ANKRD36: variants seen among roughly 807,000 people sequenced by gnomAD.
The protein encoded by ANKRD36 is ankyrin repeat domain-containing protein 36A.
In ANKRD36, 179 loss-of-function variants were observed where a neutral mutation model predicts 278.1. That is an observed-to-expected ratio of 0.64 (90% CI 0.57 to 0.73). The LOEUF is 0.73. Among genes scored for constraint, ANKRD36 ranks in the 30% least tolerant of loss-of-function variants. The pLI, the probability that ANKRD36 is intolerant of heterozygous loss-of-function variation, is 0.00. For missense variants in ANKRD36, 1,159 were observed against 1,956.7 expected (o/e 0.59, Z 7.69); for synonymous variants, 320 against 641.1 (o/e 0.50, Z 7.57).
rs2048122285 is a variant in ANKRD36 at position 97,158,621 on chromosome 2, A to G, written c.1355A>G (p.Asn452Ser). The change falls in exon 17 of 76, where the codon AAT becomes AGT. Residue 452 changes from asparagine to serine, a missense_variant. Transcript: ENST00000420699. ...GCATGTGGCATTGACAAAACAGAAA[A>G]TGGAAACATGTTTGAAGACCAAAAT... is the stretch of plus-strand genomic sequence containing the variant. ...DAACGIDKTE[N>S]GNMFEDQNVD... 2.6e-6 allele frequency: 4 copies of G among 1,527,942 alleles called. No homozygotes were observed. Among genetic ancestry groups the G allele is most frequent in the Middle Eastern group, 1.7e-4 (1 of 5,952 alleles). 94.6% of individuals were successfully genotyped at this position (1,527,942 alleles called of 1,614,324 possible).
chr2:97,221,654 G>T (rs1319926247), intron 66 of ANKRD36, among the ~76,000 whole-genome samples: 4 of 150,476 alleles, frequency 2.7e-5, no homozygotes, highest in Non-Finnish European at 5.9e-5. Flanking sequence ...ATTTGTTTGG[G>T]TTCATTGTAG....
intron 6 of ANKRD36, among the ~76,000 whole-genome samples, chr2:97,133,811 A>C (rs1004521247): frequency 1.3e-5 from 2 of 152,022 alleles, no homozygotes; most frequent in African/African-American, 4.8e-5. Flanking sequence ...AAAGAACCTA[A>C]AGAGATTTTT....
Position 97,124,513 on chromosome 2 carries a change from T to G in ANKRD36, c.647T>G (p.Leu216Arg). ...GGAGAAAAAGATATAGTCATTCTTC[T>G]TCTGCAGCACAATATTGATGTGCTT... is the stretch of plus-strand genomic sequence containing the variant. ...TLGEKDIVILLLQHNIDVLSR... is the reference protein window; with the variant it reads ...TLGEKDIVILRLQHNIDVLSR... The change falls in exon 5 of 76, where the codon CTT (leucine) becomes CGT (arginine). Residue 216 changes from leucine (L) to arginine (R), a missense_variant. Coordinates refer to ENST00000420699, the MANE Select transcript of ANKRD36 (RefSeq NM_001354587.1). The G allele has an allele frequency of 1.9e-6, 3 of 1,552,820 alleles. No homozygotes were observed. Among genetic ancestry groups the G allele is most frequent in the Non-Finnish European group, 2.6e-6 (3 of 1,147,250 alleles).
At chr2:97,215,861 TA>T in intron 62 of ANKRD36, 1 of 566,196 alleles carries the variant, frequency 1.8e-6, no homozygotes, top group Non-Finnish European at 3.0e-6. Context: ...CATATTGTTA[TA>T]AACAGAGGGA....
At chr2:97,172,107 A>G (rs1388501863) in intron 22 of ANKRD36, among the ~76,000 whole-genome samples, 3 of 151,994 alleles carry the variant, frequency 2.0e-5, no homozygotes, top group Non-Finnish European at 2.9e-5. Flanking sequence ...TACTGCTGAC[A>G]TGTAATCAAG....
At chr2:97,185,718 T>C (rs1349585273) in intron 30 of ANKRD36, among the ~76,000 whole-genome samples, 3 of 151,726 alleles carry the variant, frequency 2.0e-5, no homozygotes, top group Non-Finnish European at 2.9e-5. Context: ...CTTCCCCACA[T>C]TGAAATTGGG....
chr2:97,167,123 AG>A (rs1010912794), intron 20 of ANKRD36, among the ~76,000 whole-genome samples: 19 of 152,222 alleles, frequency 1.2e-4, no homozygotes, highest in Admixed American at 6.6e-4. Context: ...TTGAGAATCC[AG>A]GAAATGGAAA....
At chr2:97,207,090 G>A (rs1051289874) in intron 52 of ANKRD36, among the ~76,000 whole-genome samples, 4 of 151,524 alleles carry the variant, frequency 2.6e-5, no homozygotes, top group African/African-American at 7.3e-5. Context: ...TACTTTGTAT[G>A]TGTATGTCAA....
At chr2:97,229,426 T>A (rs1240792550) in intron 67 of ANKRD36, among the ~76,000 whole-genome samples, 3 of 152,108 alleles carry the variant, frequency 2.0e-5, no homozygotes, top group South Asian at 2.1e-4. Flanking sequence ...TTTGTTGGTT[T>A]AAAGTCTGTT....
At chr2:97,207,649 C>A (rs369836288) in intron 52 of ANKRD36, among the ~76,000 whole-genome samples, 162 bp from the exon 53 acceptor site, 1 of 151,320 alleles carries the variant, frequency 6.6e-6, no homozygotes, top group South Asian at 2.1e-4. Flanking sequence ...ATTTTCTCAG[C>A]GTATTTCTGT....
intron 32 of ANKRD36, 36 bp downstream of exon 32, chr2:97,187,437 T>C: frequency 7.9e-7 from 1 of 1,261,508 alleles, no homozygotes. Flanking sequence ...TCATGTTCAA[T>C]CCAGATAGAA....
chr2:97,217,578 A>G (rs1354201033), intron 64 of ANKRD36, among the ~76,000 whole-genome samples: 7 of 152,104 alleles, frequency 4.6e-5, no homozygotes, highest in Non-Finnish European at 1.0e-4. Context: ...AGACTTCCCT[A>G]CATGGAAATT....
rs995491411 is a variant in ANKRD36, at chr2:97,133,833, TC to T, written c.799+6705del. 1.6e-4 allele frequency among the ~76,000 whole-genome samples: 24 copies of T among 151,564 alleles called. 1 individual carries two copies. Among genetic ancestry groups the T allele is most frequent in the Admixed American group, 1.5e-3 (22 of 15,138 alleles). ...CTAAAGAGATTTTTCATATACGCCA[TC>T]CCCCCTCACGTGCATAGCTCCCCCC... is the stretch of plus-strand genomic sequence containing the variant. On this transcript the variant is annotated intron_variant, in intron 6 of 75. Transcript: ENST00000420699.
intron 70 of ANKRD36, 133 bp downstream of exon 70, chr2:97,244,162 G>A (rs2075080385): frequency 2.6e-6 from 3 of 1,144,946 alleles, no homozygotes; most frequent in South Asian, 1.8e-5. Flanking sequence ...ATGAATCATG[G>A]CATTTATAGC....
intron 64 of ANKRD36, among the ~76,000 whole-genome samples, chr2:97,218,700 G>A (rs1490239891): frequency 6.6e-6 from 1 of 152,116 alleles, no homozygotes; most frequent in Non-Finnish European, 1.5e-5. Flanking sequence ...GTCGCAGTTA[G>A]CACTAGCTTT....
At position 97,219,151 on chromosome 2, in the gene ANKRD36, A is replaced by C. The variant is rs969029115; in HGVS notation, c.3805-23A>C. The C allele has an allele frequency of 6.5e-6, 10 of 1,548,270 alleles. No individual in the cohort carries two copies. The African/African-American group carries it at 8.2e-5, about 13-fold the overall frequency. On this transcript the variant is annotated intron_variant, in intron 65 of 75. Coordinates refer to ENST00000420699, the MANE Select transcript of ANKRD36 (RefSeq NM_001354587.1). Reference sequence around the variant, plus strand: ...TACCAATATACATCATGTGCTAATCACTTTGTTTTAAAACCCATTCAGGCT... The same window carrying C: ...TACCAATATACATCATGTGCTAATCCCTTTGTTTTAAAACCCATTCAGGCT...
intron 40 of ANKRD36, among the ~76,000 whole-genome samples, chr2:97,196,024 A>T (rs2059658993): frequency 6.6e-6 from 1 of 151,962 alleles, no homozygotes; most frequent in South Asian, 2.1e-4. Context: ...GTGAGAGATA[A>T]TGAATATTAT....
chr2:97,209,186 G>A (rs1478555237), intron 54 of ANKRD36, among the ~76,000 whole-genome samples: 7 of 146,736 alleles, frequency 4.8e-5, no homozygotes, highest in Non-Finnish European at 1.0e-4. Flanking sequence ...CTGAAGAGAT[G>A]TGAAGTGTAC....
intron 67 of ANKRD36, among the ~76,000 whole-genome samples, chr2:97,225,642 T>G (rs2069231784): frequency 6.6e-6 from 1 of 152,126 alleles, no homozygotes; most frequent in African/African-American, 2.4e-5. Flanking sequence ...ATTATTATTA[T>G]ACTTTAAGTT....
Sources: gnomAD v4.1 joint callset for allele counts (sites outside exome capture counted in the v4.1 genomes callset) on GRCh38, gnomAD v4.1.1 for gene constraint, MANE v1.5 for transcripts, NCBI Gene and HGNC (gene_info 2026-07-23, HGNC 2026-07-21) for gene names.